Variants in RAI1 observed in about 807,000 individuals in gnomAD.
RAI1 encodes retinoic acid-induced protein 1.
In RAI1, 9 loss-of-function variants were observed where a neutral mutation model predicts 123.8. The ratio of observed to expected loss-of-function variants is 0.07; its 90% CI spans 0.04 to 0.13. The LOEUF (loss-of-function observed/expected upper bound fraction) is 0.13, where lower values mean the gene tolerates loss of function less well. Among genes scored for constraint, RAI1 ranks in the 10% least tolerant of loss-of-function variants. RAI1 has a pLI of 1.00. For synonymous variants in RAI1, 1,231 were observed against 1,127.3 expected (o/e 1.09, Z -1.84); for missense variants, 2,256 against 2,545.8 (o/e 0.89, Z 2.45).
At chr17:17,772,618 TCA>T (rs1288264103) in intron 2 of RAI1, among the ~76,000 whole-genome samples, 1 of 152,162 alleles carries the variant, frequency 6.6e-6, no homozygotes, top group African/African-American at 2.4e-5. Flanking sequence ...CTACTATCTC[TCA>T]CTCTCTCCTG....
chr17:17,694,561 C>T (rs1914947024), intron 1 of RAI1, among the ~76,000 whole-genome samples: 1 of 152,110 alleles, frequency 6.6e-6, no homozygotes, highest in Non-Finnish European at 1.5e-5. Flanking sequence ...TTCCTCTCTC[C>T]CCGACCTCGA....
At chr17:17,681,910 G>A in intron 1 of RAI1, 117 bp downstream of exon 1, 2 of 224,066 alleles carry the variant, frequency 8.9e-6, no homozygotes. Context: ...CGGACGCCGA[G>A]CGCGCGCGCT....
rs1243165885 is a variant in RAI1, at chr17:17,794,061, C to G, written c.1113C>G (p.Pro371=). The change falls in exon 3 of 6, where the codon CCC becomes CCG. Residue 371 remains proline (P), a synonymous_variant. Transcript: ENST00000353383. ...SPLMPNLENF[P]YSQQPLSTGA... is the part of the protein sequence containing the mutation. ...TGATGCCAAACCTGGAGAACTTTCC[C>G]TACAGCCAGCAGCCGCTCAGCACCG... is the stretch of plus-strand genomic sequence containing the variant. 3 of 1,614,066 alleles carry G rather than the reference C, an allele frequency of 1.9e-6. No homozygotes were observed. Among genetic ancestry groups the G allele is most frequent in the African/African-American group, 1.3e-5 (1 of 75,064 alleles).
intron 1 of RAI1, among the ~76,000 whole-genome samples, chr17:17,690,421 A>C (rs1914797821): frequency 6.6e-6 from 1 of 151,374 alleles, no homozygotes; most frequent in Non-Finnish European, 1.5e-5. Flanking sequence ...TTCAGTCTCA[A>C]GTATGAAAGC....
chr17:17,751,647 T>C (rs1185171415), intron 2 of RAI1, among the ~76,000 whole-genome samples: 1 of 152,232 alleles, frequency 6.6e-6, no homozygotes, highest in Admixed American at 6.5e-5. Flanking sequence ...GCGGGCACAC[T>C]ACTGCCTTGG....
chr17:17,686,392 C>T (rs1275271268), intron 1 of RAI1, among the ~76,000 whole-genome samples: 1 of 151,962 alleles, frequency 6.6e-6, no homozygotes, highest in Non-Finnish European at 1.5e-5. Context: ...GAAACTGGCT[C>T]ATCCTGTTCC....
intron 2 of RAI1, among the ~76,000 whole-genome samples, chr17:17,765,340 G>T (rs1041625994): frequency 6.6e-6 from 1 of 152,246 alleles, no homozygotes; most frequent in African/African-American, 2.4e-5. Context: ...CAGGCAGGAG[G>T]TGGAGGGGAA....
At chr17:17,694,416 C>A (rs1914940566) in intron 1 of RAI1, among the ~76,000 whole-genome samples, 1 of 152,086 alleles carries the variant, frequency 6.6e-6, no homozygotes, top group South Asian at 2.1e-4. Context: ...CATTCTGGAT[C>A]CCAGCGAGGG....
chr17:17,738,501 C>T (rs1225201904), intron 2 of RAI1, among the ~76,000 whole-genome samples: 5 of 152,174 alleles, frequency 3.3e-5, no homozygotes, highest in Non-Finnish European at 5.9e-5. Flanking sequence ...TGCTGCCCTA[C>T]ACGGCCTTGG....
chr17:17,699,515 T>C (rs536387043), intron 1 of RAI1, among the ~76,000 whole-genome samples: 53 of 151,480 alleles, frequency 3.5e-4, no homozygotes, highest in Admixed American at 3.0e-3. Flanking sequence ...CCTGAACACC[T>C]AGTAATTGCT....
chr17:17,801,191 C>G lies in RAI1; in HGVS notation c.5566-2565C>G, dbSNP rs1213449907. Among the ~76,000 whole-genome samples, 1 of 152,174 alleles carries G rather than the reference C, an allele frequency of 6.6e-6. No individual in the cohort carries two copies. Among genetic ancestry groups the G allele is most frequent in the African/African-American group, 2.4e-5 (1 of 41,428 alleles). ...GCCCTGCCTGCCCTTCCCCCAAAGC[C>G]ATCATAGACCCCTACCTCCTATCCA... On this transcript the variant is annotated intron_variant, in intron 3 of 5. Transcript: ENST00000353383. The surrounding 1 kb of genome is among the most constrained non-coding windows in gnomAD (Gnocchi z 4.1).
At chr17:17,716,133 C>T (rs1055006679) in intron 1 of RAI1, among the ~76,000 whole-genome samples, 9 of 152,222 alleles carry the variant, frequency 5.9e-5, no homozygotes, top group Non-Finnish European at 1.0e-4. Flanking sequence ...CACCCAGCTG[C>T]GGCCAGGAGA....
In RAI1 at chr17:17,797,653, G is replaced by A. The variant is rs747919965; in HGVS notation, c.4705G>A (p.Asp1569Asn). ...ACGACAGCAGCAGGTGCTGCCCCTG[G>A]ATCCCGCAGAGCCTGAAATCCGCCT... ...RRRQQQVLPL[D>N]PAEPEIRLKY... The change falls in exon 3 of 6, where the codon GAT becomes AAT. Residue 1569 changes from aspartate to asparagine, a missense_variant. By Grantham distance (23) the Asp-to-Asn change is conservative (BLOSUM62 1). Coordinates refer to ENST00000353383, the MANE Select transcript of RAI1 (RefSeq NM_030665.4). 3.7e-6 allele frequency: 6 copies of A among 1,613,886 alleles called. No individual in the cohort carries two copies. The South Asian group carries it at 4.4e-5, about 12-fold the overall frequency.
At chr17:17,719,729 G>A (rs796805838) in intron 1 of RAI1, among the ~76,000 whole-genome samples, 6 of 152,246 alleles carry the variant, frequency 3.9e-5, no homozygotes, top group African/African-American at 1.4e-4. Flanking sequence ...TAGGTGCTCA[G>A]TAAATATGTA....
chr17:17,753,286 G>A (rs372061313), intron 2 of RAI1, among the ~76,000 whole-genome samples: 1 of 152,218 alleles, frequency 6.6e-6, no homozygotes, highest in East Asian at 1.9e-4. Context: ...AGACCTGGGA[G>A]CCCCAGCATC....
chr17:17,717,668 GC>G (rs766952058), intron 1 of RAI1, among the ~76,000 whole-genome samples: 3 of 151,918 alleles, frequency 2.0e-5, no homozygotes, highest in African/African-American at 7.3e-5. Flanking sequence ...CCAGCCTCCT[GC>G]CCCCCACCTG....
In RAI1 at chr17:17,783,229, C is replaced by T. The variant is rs2031675954; in HGVS notation, c.-16-9704C>T. Among the ~76,000 whole-genome samples the T allele has an allele frequency of 3.3e-5, 5 of 151,856 alleles. No individual in the cohort carries two copies. The South Asian group carries it at 1.0e-3, about 31-fold the overall frequency. ...GGGGCACCGAGGACCGGGCCCGCCC[C>T]GGGAGGGGACTGGGCGCGGGGACGG... On this transcript the variant is annotated intron_variant, in intron 2 of 5. Transcript: ENST00000353383.
In RAI1 at chr17:17,809,566, G is replaced by A; in HGVS notation, c.5709+127G>A. 9.3e-7 allele frequency: 1 copy of A among 1,072,668 alleles called. No individual in the cohort carries two copies. The highest frequency in any genetic ancestry group is 1.3e-5 in the South Asian group (1 of 75,140). The allele number at this position is 1,072,668 out of a possible 1,614,324, so 66.4% of individuals were successfully genotyped here. A position where few individuals can be genotyped will look rare whatever the true frequency, so the allele number is the denominator to read the frequency against. ...CCCCGCAGGGCCCAGCCCTAGGGGA[G>A]GGAGCTCTCCCCGCCCACCCCCAGG... On this transcript the variant is annotated intron_variant, in intron 5 of 5. Transcript: ENST00000353383. The surrounding 1 kb of genome is among the most constrained non-coding windows in gnomAD (Gnocchi z 4.9).
chr17:17,709,878 G>A (rs1915511590), intron 1 of RAI1, among the ~76,000 whole-genome samples: 1 of 152,224 alleles, frequency 6.6e-6, no homozygotes, highest in Admixed American at 6.5e-5. Flanking sequence ...GCAGTTCCAA[G>A]AGCTGGTGCT....
Sources: gnomAD v4.1 joint callset for allele counts (sites outside exome capture counted in the v4.1 genomes callset) on GRCh38, gnomAD v4.1.1 for gene constraint, Gnocchi (gnomAD v3.1) non-coding constraint, MANE v1.5 for transcripts, NCBI Gene and HGNC (gene_info 2026-07-23, HGNC 2026-07-21) for gene names.